The following UBAC1 variants were observed in gnomAD, a reference collection of about 807,000 sequenced individuals.
The protein encoded by UBAC1 is UBA domain containing 1.
Under a neutral mutation model 45.9 loss-of-function variants are expected in UBAC1, and 27 were observed. That is an observed-to-expected ratio of 0.59 (90% CI 0.43 to 0.81). The LOEUF is 0.81. Among genes scored for constraint, UBAC1 ranks in the 30% least tolerant of loss-of-function variants. UBAC1 has a pLI of 0.00. For synonymous variants in UBAC1, 227 were observed against 215.5 expected, an observed-to-expected ratio of 1.05 and a Z score of -0.47; for missense variants, 529 against 539.2, an observed-to-expected ratio of 0.98 and a Z score of 0.19.
chr9:135,937,239 C>G (rs570650657), intron 9 of UBAC1, among the ~76,000 whole-genome samples: 1 of 151,854 alleles, frequency 6.6e-6, no homozygotes, highest in East Asian at 1.9e-4. Flanking sequence ...GTCAGGAGTT[C>G]GAGACCAGCC....
chr9:135,956,710 T>C (rs895459264), intron 1 of UBAC1, among the ~76,000 whole-genome samples: 1 of 152,228 alleles, frequency 6.6e-6, no homozygotes, highest in African/African-American at 2.4e-5. Context: ...TGCACTTCTG[T>C]GTTTCACAAA....
chr9:135,936,909 G>GCAT (rs1301055442), intron 9 of UBAC1, among the ~76,000 whole-genome samples: 1 of 152,178 alleles, frequency 6.6e-6, no homozygotes, highest in East Asian at 1.9e-4. Context: ...CTGAACAACG[G>GCAT]CATCTGCAAC....
Position 135,947,743 on chromosome 9 carries a change from C to G in UBAC1, c.441+55G>C, listed in dbSNP as rs913829190. On this transcript the variant is annotated intron_variant, in intron 4 of 9. Coordinates refer to ENST00000371756, the MANE Select transcript of UBAC1 (RefSeq NM_016172.3). ...CCGCCCCGCAGGAACCCCCCCACAGCAATCCCCCACACGGGGACCCCATGC... is the reference window on the plus strand; with the variant it reads ...CCGCCCCGCAGGAACCCCCCCACAGGAATCCCCCACACGGGGACCCCATGC... The G allele has an allele frequency of 6.1e-6, 9 of 1,465,696 alleles. No homozygotes were observed. The African/African-American group carries it at 1.1e-4, about 18-fold the overall frequency. The allele number at this position is 1,465,696 out of a possible 1,614,324, so 90.8% of individuals were successfully genotyped here.
chr9:135,958,283 G>C (rs1351705276), intron 1 of UBAC1, among the ~76,000 whole-genome samples: 1 of 152,136 alleles, frequency 6.6e-6, no homozygotes, highest in East Asian at 1.9e-4. Context: ...TCCTGACCTT[G>C]TGATCTGCCT....
At chr9:135,938,399 TCAGTGCCTCCGCAAGAC>T in intron 8 of UBAC1, 39 bp from the exon 9 acceptor site, 2 of 1,600,770 alleles carry the variant, frequency 1.2e-6, no homozygotes, top group Non-Finnish European at 1.7e-6. Flanking sequence ...GTTAGCGCCT[TCAGTGCCTCCGCAAGAC>T]GCCACCAGCA....
chr9:135,944,520 G>T (rs12554408), intron 7 of UBAC1, among the ~76,000 whole-genome samples: 1 of 152,138 alleles, frequency 6.6e-6, no homozygotes, highest in Non-Finnish European at 1.5e-5. Flanking sequence ...GATGAGGCGC[G>T]GGCGAGGAAG....
At chr9:135,952,071 C>T (rs1036676571) in intron 3 of UBAC1, among the ~76,000 whole-genome samples, 2 of 152,202 alleles carry the variant, frequency 1.3e-5, no homozygotes, top group Non-Finnish European at 2.9e-5. Context: ...GCAGCAGTTC[C>T]CAGAAACAGG....
At chr9:135,944,306 A>G (rs1001090984) in intron 7 of UBAC1, among the ~76,000 whole-genome samples, 4 of 152,152 alleles carry the variant, frequency 2.6e-5, no homozygotes, top group Non-Finnish European at 2.9e-5. Context: ...GCCTGGCCAC[A>G]TGGAACTCCA....
Position 135,938,347 on chromosome 9 carries a change from A to G in UBAC1, c.977T>C (p.Leu326Pro). ...CTCCGGAGAGGGCTTCCGGTCCCCC[A>G]GCAGCCACTCGCACTGCAAAGCCAA... Reference protein sequence around the residue: ...NQQNAACEWLLGDRKPSPEEL... With the variant: ...NQQNAACEWLPGDRKPSPEEL... The change falls in exon 9 of 10, where the codon CTG becomes CCG. Residue 326 changes from leucine to proline, a missense_variant. Coordinates refer to ENST00000371756, the MANE Select transcript of UBAC1 (RefSeq NM_016172.3). 1 of 1,613,432 alleles carries G rather than the reference A, an allele frequency of 6.2e-7. No individual in the cohort carries two copies. The highest frequency in any genetic ancestry group is 8.5e-7 in the Non-Finnish European group (1 of 1,179,952).
chr9:135,945,565 C>A, intron 6 of UBAC1: 1 of 503,806 alleles, frequency 2.0e-6, no homozygotes. Flanking sequence ...TCGGATTATT[C>A]ATTTTAGATC....
intron 1 of UBAC1, 107 bp from the exon 2 acceptor site, chr9:135,955,522 G>A: frequency 8.2e-7 from 1 of 1,222,848 alleles, no homozygotes; most frequent in Non-Finnish European, 1.1e-6. Context: ...GTTTTCTTAT[G>A]AGCTAAGAAA....
At chr9:135,955,509 T>C in intron 1 of UBAC1, 94 bp from the exon 2 acceptor site, 1 of 1,318,888 alleles carries the variant, frequency 7.6e-7, no homozygotes, top group Non-Finnish European at 1.0e-6. Context: ...AGGAATTTAC[T>C]GGGTTTTCTT....
intron 9 of UBAC1, among the ~76,000 whole-genome samples, chr9:135,936,581 C>T (rs532601411): frequency 4.0e-5 from 6 of 151,880 alleles, no homozygotes; most frequent in South Asian, 2.1e-4. Context: ...CTGCAACCTC[C>T]GCCCCCCAGG....
At chr9:135,943,838 G>C (rs1052584361) in intron 7 of UBAC1, among the ~76,000 whole-genome samples, 1 of 152,208 alleles carries the variant, frequency 6.6e-6, no homozygotes, top group African/African-American at 2.4e-5. Context: ...GATGAAGCTG[G>C]AAGCCACTGT....
chr9:135,940,107 G>A (rs957524362), intron 7 of UBAC1, among the ~76,000 whole-genome samples: 11 of 152,132 alleles, frequency 7.2e-5, no homozygotes, highest in Non-Finnish European at 1.2e-4. Flanking sequence ...GGTTTGTCCC[G>A]ATGACTGTGT....
At chr9:135,934,964 T>A (rs1032766494) in intron 9 of UBAC1, among the ~76,000 whole-genome samples, 2 of 152,178 alleles carry the variant, frequency 1.3e-5, no homozygotes, top group Non-Finnish European at 2.9e-5. Context: ...CACTGCAGCC[T>A]TGAACTCCCA....
At position 135,953,106 on chromosome 9, in the gene UBAC1, T is replaced by C. The variant is rs188385072; in HGVS notation, c.333+574A>G. On this transcript the variant is annotated intron_variant, in intron 3 of 9. Coordinates refer to ENST00000371756, the MANE Select transcript of UBAC1 (RefSeq NM_016172.3). Reference sequence around the variant, plus strand: ...GGAGTGAACCGTCACGCAGGATGTGTCCCTACCCTCCTCTCTGTCTCAGAA... The same window carrying C: ...GGAGTGAACCGTCACGCAGGATGTGCCCCTACCCTCCTCTCTGTCTCAGAA... Among the ~76,000 whole-genome samples, 3 of 152,214 alleles carry C rather than the reference T, an allele frequency of 2.0e-5. No individual in the cohort carries two copies. In the East Asian group the frequency reaches 5.8e-4, roughly 29 times the overall value.
chr9:135,934,945 A>G (rs1349891545), intron 9 of UBAC1, among the ~76,000 whole-genome samples: 14 of 152,056 alleles, frequency 9.2e-5, no homozygotes, highest in Admixed American at 9.2e-4. Context: ...CAGTGGAGTG[A>G]TCATGGCTCA....
intron 3 of UBAC1, chr9:135,948,132 G>C (rs1364659817): frequency 4.1e-6 from 2 of 491,078 alleles, no homozygotes; most frequent in Non-Finnish European, 7.2e-6. Flanking sequence ...TGAAGCGGTA[G>C]GTGAGGGGCA....
Sources: gnomAD v4.1 joint callset for allele counts (sites outside exome capture counted in the v4.1 genomes callset) on GRCh38, gnomAD v4.1.1 for gene constraint, MANE v1.5 for transcripts, NCBI Gene and HGNC (gene_info 2026-07-23, HGNC 2026-07-21) for gene names.